The following GPATCH2 variants were observed in gnomAD, a reference collection of about 807,000 sequenced individuals.
The protein encoded by GPATCH2 is G-patch domain containing 2, also known as G patch domain-containing protein 2.
GPATCH2 carries 51 observed loss-of-function variants against 58.0 expected under a neutral mutation model. The ratio of observed to expected loss-of-function variants is 0.88; its 90% CI spans 0.70 to 1.11. The LOEUF (loss-of-function observed/expected upper bound fraction) is 1.11, where lower values mean the gene tolerates loss of function less well. GPATCH2 is among the 50% of genes most tolerant of loss of function. The pLI is 0.00. For missense variants in GPATCH2, 625 were observed against 652.2 expected (o/e 0.96, Z 0.45); for synonymous variants, 222 against 218.5 (o/e 1.02, Z -0.14).
intron 5 of GPATCH2, among the ~76,000 whole-genome samples, chr1:217,601,495 A>G (rs865996720): frequency 1.3e-5 from 2 of 151,976 alleles, no homozygotes; most frequent in Non-Finnish European, 2.9e-5. Context: ...CTTTTTTGCT[A>G]TTCGCAGGCC....
At chr1:217,627,398 A>G (rs1179591975) in intron 1 of GPATCH2, among the ~76,000 whole-genome samples, 4 of 152,096 alleles carry the variant, frequency 2.6e-5, no homozygotes, top group Non-Finnish European at 4.4e-5. Flanking sequence ...AAATTGCTGC[A>G]TACAATTTCA....
intron 6 of GPATCH2, among the ~76,000 whole-genome samples, chr1:217,504,002 G>A (rs901098361): frequency 4.6e-5 from 7 of 152,116 alleles, no homozygotes; most frequent in Admixed American, 3.3e-4. Flanking sequence ...GCAGCAGAGC[G>A]GGAATTCAGT....
At chr1:217,587,310 T>G (rs552436362) in intron 5 of GPATCH2, among the ~76,000 whole-genome samples, 3 of 152,308 alleles carry the variant, frequency 2.0e-5, no homozygotes, top group Admixed American at 1.3e-4. Flanking sequence ...TTTCAGAAAC[T>G]TACTTAAATG....
intron 5 of GPATCH2, among the ~76,000 whole-genome samples, chr1:217,573,847 G>C (rs974889634): frequency 6.6e-6 from 1 of 152,092 alleles, no homozygotes; most frequent in Non-Finnish European, 1.5e-5. Context: ...AACCTATCCT[G>C]GCCGTTAATT....
At chr1:217,560,787 C>G (rs1447778510) in intron 5 of GPATCH2, among the ~76,000 whole-genome samples, 2 of 152,192 alleles carry the variant, frequency 1.3e-5, no homozygotes, top group Admixed American at 1.3e-4. Flanking sequence ...GTAGCATTCC[C>G]AACCCTGTTT....
intron 9 of GPATCH2, among the ~76,000 whole-genome samples, chr1:217,442,737 T>G (rs1659202217): frequency 6.6e-6 from 1 of 152,142 alleles, no homozygotes; most frequent in Non-Finnish European, 1.5e-5. Flanking sequence ...AAACCTTATA[T>G]TTAGTTGTAT....
At chr1:217,557,250 T>C (rs1030903001) in intron 5 of GPATCH2, among the ~76,000 whole-genome samples, 1 of 151,920 alleles carries the variant, frequency 6.6e-6, no homozygotes, top group African/African-American at 2.4e-5. Flanking sequence ...CTACTAAAAA[T>C]ACAAAAATTG....
chr1:217,507,783 C>T (rs1178050780), intron 6 of GPATCH2, among the ~76,000 whole-genome samples: 1 of 151,952 alleles, frequency 6.6e-6, no homozygotes, highest in Non-Finnish European at 1.5e-5. Flanking sequence ...GCATGTTAAC[C>T]AACAATTAAT....
chr1:217,443,265 A>G (rs1427214005), intron 9 of GPATCH2, among the ~76,000 whole-genome samples: 1 of 152,180 alleles, frequency 6.6e-6, no homozygotes, highest in East Asian at 1.9e-4. Flanking sequence ...ATCCGAAATG[A>G]CTTTATTTCA....
At chr1:217,501,582 T>C (rs1662308252) in intron 6 of GPATCH2, among the ~76,000 whole-genome samples, 1 of 152,132 alleles carries the variant, frequency 6.6e-6, no homozygotes. Flanking sequence ...ATCCAGTTTT[T>C]CCACATCCTC....
chr1:217,512,614 C>G (rs1435223608), intron 6 of GPATCH2, among the ~76,000 whole-genome samples: 1 of 152,150 alleles, frequency 6.6e-6, no homozygotes, highest in Non-Finnish European at 1.5e-5. Flanking sequence ...ACTAAGGAGA[C>G]TAAGAGTAGA....
chr1:217,622,389 T>C (rs973961734), intron 1 of GPATCH2, among the ~76,000 whole-genome samples: 5 of 152,240 alleles, frequency 3.3e-5, no homozygotes, highest in African/African-American at 1.2e-4. Context: ...TCTAGAATTA[T>C]TTCCATGGGC....
At chr1:217,532,648 G>A (rs1365403298) in intron 5 of GPATCH2, among the ~76,000 whole-genome samples, 1 of 152,118 alleles carries the variant, frequency 6.6e-6, no homozygotes, top group Non-Finnish European at 1.5e-5. Context: ...AACCCCTGCT[G>A]ACCTGACCCC....
chr1:217,594,247 CTAATA>C (rs1467291370), intron 5 of GPATCH2, among the ~76,000 whole-genome samples: 1 of 151,928 alleles, frequency 6.6e-6, no homozygotes, highest in Non-Finnish European at 1.5e-5. Flanking sequence ...TCTACAGGAG[CTAATA>C]TTTCTAAGTA....
intron 5 of GPATCH2, among the ~76,000 whole-genome samples, chr1:217,532,416 A>G (rs1472928641): frequency 6.6e-6 from 1 of 152,170 alleles, no homozygotes; most frequent in African/African-American, 2.4e-5. Context: ...TGGTCCAGAA[A>G]TGTCTGGTTC....
intron 5 of GPATCH2, among the ~76,000 whole-genome samples, chr1:217,533,659 A>C (rs2102628239): frequency 6.6e-6 from 1 of 152,342 alleles, no homozygotes; most frequent in Non-Finnish European, 1.5e-5. Context: ...AAATAAAGCA[A>C]TAATCACTTG....
At chr1:217,509,234 A>C (rs150136952) in intron 6 of GPATCH2, among the ~76,000 whole-genome samples, 95 of 152,204 alleles carry the variant, frequency 6.2e-4, no homozygotes, top group Non-Finnish European at 1.1e-3. Flanking sequence ...CCAGCTACTT[A>C]GGAGGCTGAG....
At chr1:217,463,320 T>C (rs1267687213) in intron 8 of GPATCH2, among the ~76,000 whole-genome samples, 2 of 152,130 alleles carry the variant, frequency 1.3e-5, no homozygotes, top group Admixed American at 6.5e-5. Context: ...ATCTTTTTCA[T>C]GCGTCTTAAA....
At chr1:217,613,816 A>G (rs1475642588) in intron 3 of GPATCH2, among the ~76,000 whole-genome samples, 2 of 152,206 alleles carry the variant, frequency 1.3e-5, no homozygotes, top group African/African-American at 2.4e-5. Context: ...ATCTGGAATT[A>G]GAGAATGAGA....
Sources: gnomAD v4.1 joint callset for allele counts (sites outside exome capture counted in the v4.1 genomes callset) on GRCh38, gnomAD v4.1.1 for gene constraint, MANE v1.5 for transcripts, NCBI Gene and HGNC (gene_info 2026-07-23, HGNC 2026-07-21) for gene names.